Variants in ARVCF observed in about 807,000 individuals in gnomAD.
The protein encoded by ARVCF is splicing regulator ARVCF.
In ARVCF, 66 loss-of-function variants were observed where a neutral mutation model predicts 90.9. That is an observed-to-expected ratio of 0.73 (90% confidence interval 0.60 to 0.89). The LOEUF is 0.89. Ranked by LOEUF, ARVCF falls within the 40% of genes least tolerant of loss-of-function variation. The probability of loss-of-function intolerance (pLI) is 0.00; values close to 1 mark genes in which losing one functional copy is unlikely to be tolerated. For missense variants in ARVCF, 1,469 were observed against 1,382.3 expected, an observed-to-expected ratio of 1.06 and a Z score of -1.00; for synonymous variants, 653 against 603.4, an observed-to-expected ratio of 1.08 and a Z score of -1.21.
Position 19,971,302 on chromosome 22 carries a change from G to GC in ARVCF, c.2814dup (p.Pro939AlafsTer16), listed in dbSNP as rs1569143383. The GC allele has an allele frequency of 5.1e-6, 8 of 1,555,942 alleles. No individual in the cohort carries two copies. The highest frequency in any genetic ancestry group is 7.0e-6 in the Non-Finnish European group (8 of 1,149,332). On this transcript the variant is annotated frameshift_variant, in exon 19 of 20. Coordinates refer to ENST00000263207, the MANE Select transcript of ARVCF (RefSeq NM_001670.3). LOFTEE classifies it high-confidence loss of function. ...ACCAGCCTGACCGCGGGCCTGCTGG[G>GC]CCCGGGGGGAGGGGCCTTCCTGCTG... is the stretch of plus-strand genomic sequence containing the variant.
chr22:19,989,600 G>T (rs1264788940), intron 3 of ARVCF, among the ~76,000 whole-genome samples: 1 of 152,188 alleles, frequency 6.6e-6, no homozygotes, highest in Non-Finnish European at 1.5e-5. Context: ...GCCAGGCGCA[G>T]GTCCCCAGAG....
At position 19,979,848 on chromosome 22, in the gene ARVCF, G is replaced by A. The variant is rs753001261; in HGVS notation, c.1291C>T (p.Arg431Cys). ...ATGGCGGCCTTGTTGTCAGTGTCGCGGCCATAGGAGAGGTTGCGCAGTGCC... is the reference window on the plus strand; with the variant it reads ...ATGGCGGCCTTGTTGTCAGTGTCGCAGCCATAGGAGAGGTTGCGCAGTGCC... The part of the protein sequence containing the change: ...CGALRNLSYG[R>C]DTDNKAAIRD... The change falls in exon 6 of 20, where the codon CGC becomes TGC. Residue 431 changes from arginine (R) to cysteine (C), a missense_variant. Physicochemically the swap from Arg to Cys is radical, Grantham distance 180 (BLOSUM62 -3). Transcript: ENST00000263207. 2 of 1,608,974 alleles carry A rather than the reference G, an allele frequency of 1.2e-6. No individual in the cohort carries two copies. The highest frequency in any genetic ancestry group is 2.2e-5 in the East Asian group (1 of 44,708).
intron 1 of ARVCF, among the ~76,000 whole-genome samples, chr22:20,015,756 C>T (rs1945061608): frequency 1.3e-5 from 2 of 152,166 alleles, no homozygotes; most frequent in African/African-American, 4.8e-5. Flanking sequence ...TAAAAAATAC[C>T]CACGGGGCAC....
chr22:20,011,657 A>C (rs1487629813), intron 1 of ARVCF, among the ~76,000 whole-genome samples: 2 of 152,120 alleles, frequency 1.3e-5, no homozygotes, highest in East Asian at 3.9e-4. Context: ...TGTGAATATG[A>C]GTGTGTGTGT....
At chr22:19,977,912 T>G in intron 8 of ARVCF, 46 bp downstream of exon 8, 1 of 1,544,878 alleles carries the variant, frequency 6.5e-7, no homozygotes, top group Non-Finnish European at 8.8e-7. Context: ...ACCTGCATGA[T>G]CGTCTCTCCA....
At position 20,009,947 on chromosome 22, in the gene ARVCF, T is replaced by C. The variant is rs553058562; in HGVS notation, c.-19+508A>G. On this transcript the variant is annotated intron_variant, in intron 2 of 19. Coordinates refer to ENST00000263207, the MANE Select transcript of ARVCF (RefSeq NM_001670.3). ...AGAACTGCAGCTGTGACAGAGACCA[T>C]AAGGCCTGCAAAATTGAATTACTTA... Among the ~76,000 whole-genome samples the C allele has an allele frequency of 2.0e-5, 3 of 152,364 alleles. No homozygotes were observed. In the South Asian group the frequency reaches 6.2e-4, roughly 32 times the overall value.
intron 16 of ARVCF, 136 bp from the exon 17 acceptor site, chr22:19,972,547 C>T: frequency 8.0e-7 from 1 of 1,246,752 alleles, no homozygotes; most frequent in South Asian, 1.4e-5. Flanking sequence ...CAGCTGGCAG[C>T]CTCACCCCAG....
chr22:20,004,592 A>C (rs1293437563), intron 2 of ARVCF, among the ~76,000 whole-genome samples: 2 of 152,224 alleles, frequency 1.3e-5, no homozygotes, highest in Non-Finnish European at 2.9e-5. Flanking sequence ...AAGAGCCAAA[A>C]CAATCTGGAA....
chr22:19,982,183 T>C, intron 3 of ARVCF, 92 bp from the exon 4 acceptor site: 6 of 1,522,500 alleles, frequency 3.9e-6, no homozygotes, highest in Non-Finnish European at 4.4e-6. Flanking sequence ...CCTCAGCTCA[T>C]GCTGGCCAGC....
chr22:20,001,047 T>C (rs1227016255), intron 2 of ARVCF, among the ~76,000 whole-genome samples: 1 of 152,106 alleles, frequency 6.6e-6, no homozygotes, highest in African/African-American at 2.4e-5. Context: ...GGCACACTCG[T>C]CCACACCCAT....
In ARVCF at chr22:19,970,127, G is replaced by A; in HGVS notation, c.*629C>T. The A allele has an allele frequency of 1.0e-6, 1 of 985,584 alleles. No individual in the cohort carries two copies. Among genetic ancestry groups the A allele is most frequent in the South Asian group, 4.7e-5 (1 of 21,304 alleles). 61.1% of individuals were successfully genotyped at this position (985,584 alleles called of 1,614,324 possible). On this transcript the variant is annotated 3_prime_UTR_variant, in exon 20 of 20. Coordinates refer to ENST00000263207, the MANE Select transcript of ARVCF (RefSeq NM_001670.3). ...CCGGCCCCAGCCAGCATGGGCTGGA[G>A]AAAGGCTCTCTACTGCACAGGGGCC...
At chr22:19,976,645 C>T in intron 10 of ARVCF, 61 bp downstream of exon 10, 1 of 1,545,604 alleles carries the variant, frequency 6.5e-7, no homozygotes, top group Non-Finnish European at 8.7e-7. Flanking sequence ...AACGTGCTCG[C>T]CTCTTCCCAG....
In ARVCF at chr22:19,975,690, G is replaced by A. The variant is rs34134422; in HGVS notation, c.1956C>T (p.Ala652=). The A allele has an allele frequency of 4.4e-5, 71 of 1,613,554 alleles. No individual in the cohort carries two copies. The African/African-American group carries it at 9.1e-4, about 21-fold the overall frequency. ...GCTTCATCTCAGCCCACTCACCTTT[G>A]GCGGCCTCAGTTCGCTTGGGCAGGT... ...TLDLPKRTEA[A]KGFELLYQPE... Residue 652 remains alanine (A), a synonymous_variant, in exon 11 of 20, where the codon GCC becomes GCT. Coordinates refer to ENST00000263207, the MANE Select transcript of ARVCF (RefSeq NM_001670.3).
intron 1 of ARVCF, among the ~76,000 whole-genome samples, chr22:20,010,914 A>G (rs1296059316): frequency 1.3e-5 from 2 of 152,188 alleles, no homozygotes; most frequent in Non-Finnish European, 2.9e-5. Flanking sequence ...CCACCTCCCT[A>G]GAGTCCGCTC....
At chr22:19,966,030 A>G (rs1942372204), downstream of ARVCF, among the ~76,000 whole-genome samples, 2 of 152,228 alleles carry the variant, frequency 1.3e-5, no homozygotes, top group South Asian at 4.1e-4. Flanking sequence ...TGCTAATTAC[A>G]GGGGCCTGCC....
chr22:20,008,014 T>C (rs1385097172), intron 2 of ARVCF, among the ~76,000 whole-genome samples: 1 of 152,104 alleles, frequency 6.6e-6, no homozygotes, highest in Non-Finnish European at 1.5e-5. Flanking sequence ...TATCTAAAAA[T>C]GGGGAAAAAT....
intron 2 of ARVCF, among the ~76,000 whole-genome samples, chr22:19,998,741 G>C (rs1480271193): frequency 1.3e-5 from 2 of 152,222 alleles, no homozygotes; most frequent in Non-Finnish European, 1.5e-5. Flanking sequence ...GTGCCTGGTG[G>C]GAGATGGGGA....
chr22:19,990,461 C>T (rs1414074868), intron 3 of ARVCF, 124 bp downstream of exon 3: 3 of 1,238,050 alleles, frequency 2.4e-6, no homozygotes, highest in African/African-American at 3.0e-5. Context: ...ATTTTCCTTT[C>T]CTCCCCAGGA....
chr22:20,006,113 GGAGTTTT>G (rs757341034), intron 2 of ARVCF, among the ~76,000 whole-genome samples: 231 of 152,190 alleles, frequency 1.5e-3, no homozygotes, highest in African/African-American at 5.2e-3. Context: ...GGGCAAACGG[GGAGTTTT>G]CTAATGGGTA....
Sources: allele counts gnomAD v4.1 joint callset (sites outside exome capture counted in the v4.1 genomes callset), GRCh38; gene constraint gnomAD v4.1.1; transcripts MANE v1.5; gene names NCBI Gene and HGNC (gene_info 2026-07-23, HGNC 2026-07-21).